Variants in SMCO4 observed in about 807,000 individuals in gnomAD.
The protein encoded by SMCO4 is single-pass membrane and coiled-coil domain-containing protein 4.
A neutral mutation model predicts 3.6 loss-of-function variants in SMCO4; 4 were observed. The observed-to-expected ratio is 1.11, with a 90% CI of 0.54 to 2.53. The LOEUF is 2.53. SMCO4 is among the 30% of genes most tolerant of loss of function. The pLI is 0.02. For missense variants in SMCO4, 70 were observed against 80.8 expected, an observed-to-expected ratio of 0.87 and a Z score of 0.51; for synonymous variants, 36 against 35.3, an observed-to-expected ratio of 1.02 and a Z score of -0.07.
intron 1 of SMCO4, among the ~76,000 whole-genome samples, chr11:93,528,937 T>C (rs1949137799): frequency 6.6e-6 from 1 of 152,098 alleles, no homozygotes. Flanking sequence ...ACGTATTTAC[T>C]AGATGTTGGG....
At chr11:93,490,559 G>A (rs1210158342) in intron 2 of SMCO4, among the ~76,000 whole-genome samples, 1 of 152,190 alleles carries the variant, frequency 6.6e-6, no homozygotes, top group Non-Finnish European at 1.5e-5. Flanking sequence ...CAGTCAATGA[G>A]TTGAGACCTG....
chr11:93,511,182 T>C (rs1332471393), intron 1 of SMCO4, among the ~76,000 whole-genome samples: 4 of 152,076 alleles, frequency 2.6e-5, no homozygotes, highest in South Asian at 2.1e-4. Flanking sequence ...AAAAAATGCT[T>C]TCTAGAAAGG....
At chr11:93,502,703 C>G (rs905659020) in intron 1 of SMCO4, among the ~76,000 whole-genome samples, 1 of 152,034 alleles carries the variant, frequency 6.6e-6, no homozygotes, top group African/African-American at 2.4e-5. Flanking sequence ...CACTAAGGAA[C>G]AAAACTTAAT....
chr11:93,547,430 G>A (rs528023500), upstream of SMCO4, among the ~76,000 whole-genome samples: 52 of 152,280 alleles, frequency 3.4e-4, no homozygotes, highest in Admixed American at 1.1e-3. Context: ...CTTAAATGTC[G>A]TCTTCTCAGA....
At chr11:93,549,651 G>T in the SMCO4 span, among the ~76,000 whole-genome samples, 4 of 151,242 alleles carry the variant, frequency 2.6e-5, no homozygotes, top group East Asian at 7.8e-4. Context: ...TTGAGACAAG[G>T]TCTCACTATG....
intron 1 of SMCO4, among the ~76,000 whole-genome samples, chr11:93,538,368 G>A (rs1287987267): frequency 1.3e-5 from 2 of 152,186 alleles, no homozygotes; most frequent in African/African-American, 2.4e-5. Context: ...CAAAACTGAG[G>A]ACCAAACCCT....
intron 2 of SMCO4, among the ~76,000 whole-genome samples, chr11:93,493,570 T>C (rs1387914001): frequency 2.6e-5 from 4 of 152,138 alleles, no homozygotes; most frequent in Non-Finnish European, 5.9e-5. Context: ...TCCTCCAGCC[T>C]CCTGATTCCT....
At chr11:93,506,439 G>A (rs1170365113) in intron 1 of SMCO4, among the ~76,000 whole-genome samples, 1 of 145,524 alleles carries the variant, frequency 6.9e-6, no homozygotes, top group East Asian at 2.0e-4. Flanking sequence ...CACACACACA[G>A]CTTTTTTTTT....
At chr11:93,528,386 T>A (rs1420887325) in intron 1 of SMCO4, among the ~76,000 whole-genome samples, 2 of 152,214 alleles carry the variant, frequency 1.3e-5, no homozygotes, top group Non-Finnish European at 2.9e-5. Flanking sequence ...GTTGAGCAAC[T>A]GGAGACACCC....
At position 93,490,565 on chromosome 11, in the gene SMCO4, A is replaced by G. The variant is rs116176152; in HGVS notation, c.-81+8711T>C. 8.0e-3 allele frequency among the ~76,000 whole-genome samples: 1,213 copies of G among 152,322 alleles called. 18 individuals carry two copies. Among genetic ancestry groups the G allele is most frequent in the African/African-American group, 0.028 (1,157 of 41,562 alleles). ...TTTCACAATCAGTCAATGAGTTGAG[A>G]CCTGTAGCTGAAGTCCACCAGACTA... On this transcript the variant is annotated intron_variant, in intron 2 of 2. Transcript: ENST00000298966.
intron 1 of SMCO4, among the ~76,000 whole-genome samples, chr11:93,521,170 C>T (rs960869763): frequency 6.6e-6 from 1 of 152,168 alleles, no homozygotes; most frequent in African/African-American, 2.4e-5. Flanking sequence ...CACACACCTG[C>T]TCTGTTGCAA....
At chr11:93,545,520 G>A (rs935983119), upstream of SMCO4, among the ~76,000 whole-genome samples, 1 of 147,858 alleles carries the variant, frequency 6.8e-6, no homozygotes, top group Non-Finnish European at 1.5e-5. Context: ...CCCAGAAGGC[G>A]GAGGTTGTAG....
At chr11:93,551,953 A>G in the SMCO4 span, among the ~76,000 whole-genome samples, 1 of 152,120 alleles carries the variant, frequency 6.6e-6, no homozygotes, top group African/African-American at 2.4e-5. Context: ...TAAGGACACA[A>G]TTCCTAGGTT....
chr11:93,535,468 G>C (rs539112873), intron 1 of SMCO4: 7 of 1,392,804 alleles, frequency 5.0e-6, no homozygotes, highest in African/African-American at 4.2e-5. Context: ...GAGTCGCCGC[G>C]ATGGTGTTGT....
intron 1 of SMCO4, among the ~76,000 whole-genome samples, chr11:93,542,906 T>A (rs1335153229): frequency 6.6e-6 from 1 of 152,048 alleles, no homozygotes; most frequent in Non-Finnish European, 1.5e-5. Context: ...CCCAAGCCCT[T>A]TGCACTGCGT....
intron 2 of SMCO4, among the ~76,000 whole-genome samples, chr11:93,493,905 C>T (rs1948747220): frequency 6.6e-6 from 1 of 152,284 alleles, no homozygotes; most frequent in Non-Finnish European, 1.5e-5. Flanking sequence ...CTAGATACCA[C>T]CCCTCTCTGT....
upstream of SMCO4, among the ~76,000 whole-genome samples, chr11:93,544,387 C>A (rs1949299540): frequency 6.6e-6 from 1 of 152,162 alleles, no homozygotes; most frequent in South Asian, 2.1e-4. Context: ...GCCCGGGGAG[C>A]AAGGCCACTC....
intron 1 of SMCO4, among the ~76,000 whole-genome samples, chr11:93,526,980 C>T (rs993424884): frequency 1.3e-5 from 2 of 152,188 alleles, no homozygotes; most frequent in Non-Finnish European, 2.9e-5. Flanking sequence ...CTTCTAGAGA[C>T]AGAATTCCGA....
At position 93,525,630 on chromosome 11, in the gene SMCO4, C is replaced by T. The variant is rs753020333; in HGVS notation, c.-154+17646G>A. On this transcript the variant is annotated intron_variant, in intron 1 of 2. Coordinates refer to ENST00000298966, the MANE Select transcript of SMCO4 (RefSeq NM_020179.3). ...AGACTCTTCCCACTTTATAAATACA[C>T]CCTACGACCAACCAGAGAGTGCTTG... is the stretch of plus-strand genomic sequence containing the variant. Among the ~76,000 whole-genome samples the T allele has an allele frequency of 6.5e-4, 99 of 152,278 alleles. 1 individual carries two copies. Among genetic ancestry groups the T allele is most frequent in the Non-Finnish European group, 7.1e-4 (48 of 68,032 alleles).
Sources: gnomAD v4.1 joint callset for allele counts (sites outside exome capture counted in the v4.1 genomes callset) on GRCh38, gnomAD v4.1.1 for gene constraint, MANE v1.5 for transcripts, NCBI Gene and HGNC (gene_info 2026-07-23, HGNC 2026-07-21) for gene names.